The following DPP6 variants were observed in gnomAD, a reference collection of about 807,000 sequenced individuals.
DPP6 encodes dipeptidyl peptidase like 6, also known as A-type potassium channel modulatory protein DPP6.
A neutral mutation model predicts 122.6 loss-of-function variants in DPP6; 69 were observed. The observed-to-expected ratio is 0.56, with a 90% CI of 0.46 to 0.69. The LOEUF (loss-of-function observed/expected upper bound fraction) is 0.69, where lower values mean the gene tolerates loss of function less well. Among genes scored for constraint, DPP6 ranks in the 30% least tolerant of loss-of-function variants. DPP6 has a pLI of 0.00. For synonymous variants in DPP6, 418 were observed against 433.1 expected (o/e 0.97, Z 0.43); for missense variants, 928 against 1,116.9 (o/e 0.83, Z 2.41).
intron 1 of DPP6, among the ~76,000 whole-genome samples, chr7:154,431,451 CTTTTCTTTTCTTTTCTTTTCT>C (rs1316756066): frequency 2.0e-4 from 3 of 14,974 alleles, no homozygotes; most frequent in East Asian, 1.3e-3. Flanking sequence ...CCTTTCTTTT[CTTTTCTTTTCTTTTCTTTTCT>C]TTTCTTTTCT....
intron 1 of DPP6, among the ~76,000 whole-genome samples, chr7:154,011,658 T>G (rs28609458): frequency 0.048 from 7,334 of 152,328 alleles, 514 homozygotes; most frequent in African/African-American, 0.15. Flanking sequence ...AATATTTGTT[T>G]GGAAGCATTG....
chr7:154,280,188 GT>G (rs147959898), intron 1 of DPP6, among the ~76,000 whole-genome samples: 1 of 151,962 alleles, frequency 6.6e-6, no homozygotes, highest in Admixed American at 6.6e-5. Context: ...TGTTTTTACT[GT>G]TTTTTTATAA....
the DPP6 span, among the ~76,000 whole-genome samples, chr7:153,834,052 C>T: frequency 1.3e-5 from 2 of 152,014 alleles, no homozygotes; most frequent in African/African-American, 4.8e-5. Flanking sequence ...TTTGGGAGGC[C>T]GAGATGGGTG....
intron 1 of DPP6, among the ~76,000 whole-genome samples, chr7:153,998,364 C>T (rs1417491748): frequency 1.3e-5 from 2 of 152,188 alleles, no homozygotes; most frequent in African/African-American, 4.8e-5. Context: ...TTGCTCTTCT[C>T]AGCAACCACT....
At chr7:154,349,247 C>G (rs1190436347) in intron 1 of DPP6, among the ~76,000 whole-genome samples, 1 of 152,232 alleles carries the variant, frequency 6.6e-6, no homozygotes, top group African/African-American at 2.4e-5. Flanking sequence ...GTGATCTTGG[C>G]TCACTGCAAC....
At chr7:154,208,770 A>T (rs1208437889) in intron 1 of DPP6, among the ~76,000 whole-genome samples, 2 of 143,634 alleles carry the variant, frequency 1.4e-5, no homozygotes, top group Admixed American at 7.0e-5. Context: ...GAATTGAAGT[A>T]AAAAAAAAAA....
chr7:154,205,339 C>T (rs1201609943), intron 1 of DPP6, among the ~76,000 whole-genome samples: 1 of 152,184 alleles, frequency 6.6e-6, no homozygotes, highest in African/African-American at 2.4e-5. Flanking sequence ...TGACCACTCC[C>T]TCCAAGCCCT....
intron 16 of DPP6, among the ~76,000 whole-genome samples, chr7:154,842,296 T>A (rs1360915452): frequency 6.6e-6 from 1 of 152,258 alleles, no homozygotes; most frequent in South Asian, 2.1e-4. Context: ...GGTTGGAAAT[T>A]ATCTGTCACA....
chr7:154,237,019 T>G (rs1443438568), intron 1 of DPP6, among the ~76,000 whole-genome samples: 1 of 152,148 alleles, frequency 6.6e-6, no homozygotes, highest in Non-Finnish European at 1.5e-5. Flanking sequence ...AAACCCACAC[T>G]TAGACATTCT....
At chr7:154,487,771 G>A (rs1823924869) in intron 3 of DPP6, among the ~76,000 whole-genome samples, 1 of 152,164 alleles carries the variant, frequency 6.6e-6, no homozygotes, top group Non-Finnish European at 1.5e-5. Flanking sequence ...CTTAACCATG[G>A]TAACCTGCTA....
At chr7:153,923,948 A>G (rs1053502849) in intron 1 of DPP6, among the ~76,000 whole-genome samples, 3 of 152,030 alleles carry the variant, frequency 2.0e-5, no homozygotes, top group South Asian at 2.1e-4. Flanking sequence ...CAGCCATGCT[A>G]TGGTTTAAAT....
intron 3 of DPP6, among the ~76,000 whole-genome samples, chr7:154,488,505 T>C (rs1393265047): frequency 6.6e-6 from 1 of 151,658 alleles, no homozygotes; most frequent in Non-Finnish European, 1.5e-5. Flanking sequence ...CACATCTGAT[T>C]CTATTTTCTT....
At position 154,803,944 on chromosome 7, in the gene DPP6, G is replaced by C. The variant is rs745450425; in HGVS notation, c.1488G>C (p.Lys496Asn). ...CCAAGATCCTAGCCTACGATGAGAA[G>C]GGGAATAAGATGTGAGTGAGAACCA... ...DVTKILAYDEKGNKIYFLSTE... is the reference protein window; with the variant it reads ...DVTKILAYDENGNKIYFLSTE... Residue 496 changes from lysine (K) to asparagine (N), a missense_variant, in exon 14 of 26, where the codon AAG becomes AAC. Lys to Asn is a moderately conservative substitution (Grantham distance 94, BLOSUM62 0). Transcript: ENST00000377770. 6.2e-7 allele frequency: 1 copy of C among 1,613,708 alleles called. No homozygotes were observed. Among genetic ancestry groups the C allele is most frequent in the South Asian group, 1.1e-5 (1 of 90,944 alleles).
intron 16 of DPP6, among the ~76,000 whole-genome samples, chr7:154,818,402 T>C (rs1167601531): frequency 6.6e-6 from 1 of 152,180 alleles, no homozygotes. Context: ...GGATCAACAG[T>C]GTAAGCAGGC....
At chr7:154,230,133 G>T (rs940839464) in intron 1 of DPP6, among the ~76,000 whole-genome samples, 2 of 151,684 alleles carry the variant, frequency 1.3e-5, no homozygotes, top group Admixed American at 1.3e-4. Flanking sequence ...ACCCTCCTCC[G>T]CACCCTCCTC....
chr7:154,690,546 C>T (rs879476646), intron 7 of DPP6, among the ~76,000 whole-genome samples: 12 of 152,162 alleles, frequency 7.9e-5, no homozygotes, highest in Non-Finnish European at 1.8e-4. Flanking sequence ...TGTTTCTCCA[C>T]ACAGAGTGCT....
chr7:154,585,533 G>A (rs78021599), intron 5 of DPP6, among the ~76,000 whole-genome samples: 4,287 of 152,236 alleles, frequency 0.028, 195 homozygotes, highest in African/African-American at 0.098. Context: ...CTGGGGAGTG[G>A]TTACCAGAAC....
chr7:154,496,653 A>G (rs1231728829), intron 3 of DPP6, among the ~76,000 whole-genome samples: 1 of 152,150 alleles, frequency 6.6e-6, no homozygotes, highest in East Asian at 1.9e-4. Context: ...CAGAAAGGGG[A>G]AGGAGTCCTT....
chr7:154,011,290 T>G (rs1256152374), intron 1 of DPP6, among the ~76,000 whole-genome samples: 1 of 152,238 alleles, frequency 6.6e-6, no homozygotes, highest in African/African-American at 2.4e-5. Flanking sequence ...GAAAAATGAT[T>G]GCATGAAGCC....
Sources: gnomAD v4.1 joint callset for allele counts (sites outside exome capture counted in the v4.1 genomes callset) on GRCh38, gnomAD v4.1.1 for gene constraint, MANE v1.5 for transcripts, NCBI Gene and HGNC (gene_info 2026-07-23, HGNC 2026-07-21) for gene names.